ANXA8: variants seen among roughly 807,000 people sequenced by gnomAD.
ANXA8 encodes VAC-beta.
A neutral mutation model predicts 26.8 loss-of-function variants in ANXA8; 9 were observed. That is an observed-to-expected ratio of 0.34 (90% CI 0.20 to 0.59). The LOEUF (loss-of-function observed/expected upper bound fraction) is 0.59, where lower values mean the gene tolerates loss of function less well. Ranked by LOEUF, ANXA8 falls within the 20% of genes least tolerant of loss-of-function variation. The pLI is 0.84. For missense variants in ANXA8, 83 were observed against 238.5 expected (o/e 0.35, Z 4.29); for synonymous variants, 39 against 94.8 (o/e 0.41, Z 3.42).
At chr10:47,559,089 G>A in the ANXA8 span, among the ~76,000 whole-genome samples, 3 of 140,602 alleles carry the variant, frequency 2.1e-5, no homozygotes, top group Non-Finnish European at 4.6e-5. Context: ...TTCTCCAGTT[G>A]TGCTATTTTT....
chr10:47,982,834 A>ATATATATATAT, the ANXA8 span, among the ~76,000 whole-genome samples: 219 of 67,470 alleles, frequency 3.2e-3, no homozygotes, highest in Middle Eastern at 7.8e-3. Context: ...ATATATATAT[A>ATATATATATAT]AAATTTGATA....
At chr10:47,767,702 G>A in the ANXA8 span, among the ~76,000 whole-genome samples, 2 of 150,826 alleles carry the variant, frequency 1.3e-5, no homozygotes, top group African/African-American at 2.5e-5. Flanking sequence ...TCCCTGTGAC[G>A]CCACCCCCTG....
At chr10:47,491,736 C>G in the ANXA8 span, 1 of 1,546,418 alleles carries the variant, frequency 6.5e-7, no homozygotes, top group South Asian at 1.2e-5. Context: ...GCTTTTATAG[C>G]TGCCTCTGGT....
the ANXA8 span, among the ~76,000 whole-genome samples, chr10:47,691,630 G>A: frequency 1.2e-3 from 188 of 150,626 alleles, no homozygotes; most frequent in African/African-American, 3.8e-3. Context: ...TAAGTTTTGC[G>A]TGCCTGTAGT....
At chr10:47,474,914 G>A (rs1299234943) in intron 7 of ANXA8, 31 bp downstream of exon 7, 4 of 1,532,966 alleles carry the variant, frequency 2.6e-6, no homozygotes, top group African/African-American at 2.8e-5. Flanking sequence ...GCAGGGGGTG[G>A]GGCCACATGG....
the ANXA8 span, among the ~76,000 whole-genome samples, chr10:47,584,036 C>T: frequency 2.2e-5 from 3 of 139,454 alleles, no homozygotes; most frequent in Non-Finnish European, 1.5e-5. Context: ...AAAAATTAGC[C>T]GAGTGTGGTG....
the ANXA8 span, among the ~76,000 whole-genome samples, chr10:47,735,019 A>T: frequency 5.1e-5 from 3 of 58,994 alleles, no homozygotes; most frequent in Non-Finnish European, 9.3e-5. Flanking sequence ...GACTCTGTTT[A>T]AAAAAAAAAA....
chr10:47,937,431 A>T, the ANXA8 span, among the ~76,000 whole-genome samples: 2 of 149,468 alleles, frequency 1.3e-5, no homozygotes, highest in Non-Finnish European at 3.0e-5. Context: ...TTTAAAATTT[A>T]TTTTTTATTT....
chr10:47,973,886 T>A, the ANXA8 span, among the ~76,000 whole-genome samples: 1 of 151,204 alleles, frequency 6.6e-6, no homozygotes, highest in African/African-American at 2.4e-5. Flanking sequence ...TGTGAATCCA[T>A]CTAGTCCAGG....
chr10:47,703,476 G>T, the ANXA8 span, among the ~76,000 whole-genome samples: 18 of 150,780 alleles, frequency 1.2e-4, no homozygotes, highest in African/African-American at 4.1e-4. Flanking sequence ...GCTGAGGTGG[G>T]AGGATTGATT....
At chr10:47,957,366 A>C in the ANXA8 span, among the ~76,000 whole-genome samples, 16 of 150,102 alleles carry the variant, frequency 1.1e-4, no homozygotes, top group East Asian at 4.1e-4. Context: ...CACCCCTCAA[A>C]ACATTTTCTT....
the ANXA8 span, among the ~76,000 whole-genome samples, chr10:47,894,708 C>T: frequency 1.3e-5 from 2 of 152,184 alleles, no homozygotes; most frequent in Non-Finnish European, 2.9e-5. Context: ...ATACTAACAC[C>T]CCATACAGTA....
the ANXA8 span, among the ~76,000 whole-genome samples, chr10:47,715,491 CT>C: frequency 6.7e-6 from 1 of 148,190 alleles, no homozygotes; most frequent in African/African-American, 2.5e-5. Context: ...CTTCTGTTGT[CT>C]TAATGCACCA....
the ANXA8 span, among the ~76,000 whole-genome samples, chr10:47,585,047 C>T: frequency 2.7e-5 from 4 of 146,790 alleles, no homozygotes; most frequent in Non-Finnish European, 1.5e-5. Context: ...GAGATGGCAC[C>T]ACTGCACTCC....
chr10:47,950,500 T>C, the ANXA8 span, among the ~76,000 whole-genome samples: 18 of 150,932 alleles, frequency 1.2e-4, no homozygotes, highest in Admixed American at 6.6e-5. Flanking sequence ...AATAAATCAA[T>C]CAACGCAATT....
chr10:47,947,539 A>C, the ANXA8 span, among the ~76,000 whole-genome samples: 1 of 150,296 alleles, frequency 6.7e-6, no homozygotes. Flanking sequence ...GTTGGAGGAG[A>C]GGCCTGGGGG....
At chr10:47,573,943 A>G in the ANXA8 span, among the ~76,000 whole-genome samples, 3 of 148,556 alleles carry the variant, frequency 2.0e-5, 1 homozygote, top group Admixed American at 2.0e-4. Flanking sequence ...CATCTTGTTC[A>G]AAGAAGTTGA....
At chr10:47,666,083 C>G in the ANXA8 span, among the ~76,000 whole-genome samples, 1 of 150,412 alleles carries the variant, frequency 6.6e-6, no homozygotes, top group Non-Finnish European at 1.5e-5. Flanking sequence ...TTCAGTAGAA[C>G]AAGAATCTTT....
the ANXA8 span, among the ~76,000 whole-genome samples, chr10:47,764,014 C>T: frequency 2.6e-5 from 4 of 151,882 alleles, no homozygotes; most frequent in Non-Finnish European, 4.4e-5. Flanking sequence ...CCCACTGGGC[C>T]GGGTCTGGGA....
Sources: gnomAD v4.1 joint callset for allele counts (sites outside exome capture counted in the v4.1 genomes callset) on GRCh38, gnomAD v4.1.1 for gene constraint, MANE v1.5 for transcripts, NCBI Gene and HGNC (gene_info 2026-07-23, HGNC 2026-07-21) for gene names.